The following CSMD1 variants were observed in gnomAD, a reference collection of about 807,000 sequenced individuals.
The protein encoded by CSMD1 is CUB and sushi domain-containing protein 1.
A neutral mutation model predicts 417.5 loss-of-function variants in CSMD1; 213 were observed. The ratio of observed to expected loss-of-function variants is 0.51; its 90% confidence interval spans 0.46 to 0.57. The LOEUF is 0.57. Ranked by LOEUF, CSMD1 falls within the 20% of genes least tolerant of loss-of-function variation. The pLI is 0.00. For missense variants in CSMD1, 6,923 were observed against 4,529.7 expected, an observed-to-expected ratio of 1.53 and a Z score of -15.17; for synonymous variants, 2,862 against 1,736.8, an observed-to-expected ratio of 1.65 and a Z score of -16.11.
At chr8:4,907,019 A>C (rs754662192) in intron 1 of CSMD1, among the ~76,000 whole-genome samples, 5 of 152,230 alleles carry the variant, frequency 3.3e-5, no homozygotes, top group Non-Finnish European at 5.9e-5. Flanking sequence ...ATATGTCTTA[A>C]AGTGCCATCA....
chr8:3,349,886 T>TAAAC (rs1273253750), intron 21 of CSMD1, among the ~76,000 whole-genome samples: 1 of 99,350 alleles, frequency 1.0e-5, no homozygotes, highest in African/African-American at 3.7e-5. Context: ...TATCTATATA[T>TAAAC]ATATTTATAA....
chr8:3,595,603 C>A (rs928836061), intron 8 of CSMD1, among the ~76,000 whole-genome samples: 1 of 152,090 alleles, frequency 6.6e-6, no homozygotes, highest in Non-Finnish European at 1.5e-5. Flanking sequence ...AGGATGGTTC[C>A]AGGGTATAAG....
chr8:3,772,561 A>G (rs1379560272), intron 5 of CSMD1, among the ~76,000 whole-genome samples: 1 of 116,262 alleles, frequency 8.6e-6, no homozygotes, highest in African/African-American at 3.2e-5. Flanking sequence ...ACATATATAC[A>G]TATATATACA....
At chr8:3,826,064 C>A (rs571360946) in intron 5 of CSMD1, among the ~76,000 whole-genome samples, 56 of 152,280 alleles carry the variant, frequency 3.7e-4, no homozygotes, top group Non-Finnish European at 7.4e-4. Flanking sequence ...ACATAGACAT[C>A]TTTTGTAACA....
intron 3 of CSMD1, among the ~76,000 whole-genome samples, chr8:4,041,780 G>C (rs144656160): frequency 2.6e-4 from 39 of 152,008 alleles, no homozygotes; most frequent in Middle Eastern, 6.8e-3. Flanking sequence ...CTTGAGACAT[G>C]GGAAATATTA....
In CSMD1 at chr8:3,659,077, C is replaced by T. The variant is rs74504401; in HGVS notation, c.1010-42280G>A. 4.6e-3 allele frequency among the ~76,000 whole-genome samples: 699 copies of T among 152,110 alleles called. 6 individuals are homozygous for T. Among genetic ancestry groups the T allele is most frequent in the African/African-American group, 0.016 (657 of 41,490 alleles). On this transcript the variant is annotated intron_variant, in intron 7 of 69. Coordinates refer to ENST00000635120, the MANE Select transcript of CSMD1 (RefSeq NM_033225.6). Reference sequence around the variant, plus strand: ...TCTACTTGAAATTAGTTCTAATTTCCGAAATGGTAATCTAATTATTTCAGA... The same window carrying T: ...TCTACTTGAAATTAGTTCTAATTTCTGAAATGGTAATCTAATTATTTCAGA...
chr8:4,031,621 C>G (rs139820675), intron 4 of CSMD1, among the ~76,000 whole-genome samples: 2 of 150,626 alleles, frequency 1.3e-5, no homozygotes, highest in Non-Finnish European at 3.0e-5. Flanking sequence ...TTTATGTGGT[C>G]CAAGCATGAC....
chr8:3,241,865 T>C (rs969715195), intron 26 of CSMD1, among the ~76,000 whole-genome samples: 5 of 152,204 alleles, frequency 3.3e-5, no homozygotes, highest in Middle Eastern at 3.4e-3. Context: ...AAGGCGACGT[T>C]AATTAAGTCC....
chr8:3,622,179 T>G (rs1312879447), intron 7 of CSMD1, among the ~76,000 whole-genome samples: 1 of 152,220 alleles, frequency 6.6e-6, no homozygotes, highest in Non-Finnish European at 1.5e-5. Context: ...CATTTAGCTT[T>G]AATAATTTCA....
At chr8:4,699,726 A>C (rs1310177463) in intron 1 of CSMD1, among the ~76,000 whole-genome samples, 1 of 152,178 alleles carries the variant, frequency 6.6e-6, no homozygotes, top group Non-Finnish European at 1.5e-5. Context: ...TGAGGTGTTA[A>C]TTTCTACTGT....
At chr8:3,867,207 A>T (rs1162146846) in intron 5 of CSMD1, among the ~76,000 whole-genome samples, 1 of 152,202 alleles carries the variant, frequency 6.6e-6, no homozygotes, top group Non-Finnish European at 1.5e-5. Context: ...TAGACAAAAG[A>T]GTGAATTAAT....
At chr8:3,036,670 G>C (rs922699062) in intron 50 of CSMD1, among the ~76,000 whole-genome samples, 19 of 151,986 alleles carry the variant, frequency 1.3e-4, no homozygotes, top group African/African-American at 4.6e-4. Context: ...ACTTTGGTTT[G>C]GGTAAAAAAT....
rs1563303932 is a variant in CSMD1 at position 3,354,889 on chromosome 8, G to GATCTATCTATAGATATCTATATCTATAGA, written c.3304+4262_3304+4263insTCTATAGATATAGATATCTATAGATAGAT. On this transcript the variant is annotated intron_variant, in intron 21 of 69. Coordinates refer to ENST00000635120, the MANE Select transcript of CSMD1 (RefSeq NM_033225.6). ...TAGATATACATATATCTATAGATATGTCTATCTATAGATCTATCTATAGAT... is the reference window on the plus strand; with the variant it reads ...TAGATATACATATATCTATAGATATGATCTATCTATAGATATCTATATCTATAGATCTATCTATAGATCTATCTATAGAT... 1.4e-5 allele frequency among the ~76,000 whole-genome samples: 2 copies of GATCTATCTATAGATATCTATATCTATAGA among 140,928 alleles called. 1 individual carries two copies. The highest frequency in any genetic ancestry group is 5.6e-5 in the African/African-American group (2 of 35,732). 92.5% of individuals were successfully genotyped at this position (140,928 alleles called of 152,430 possible). A position where few individuals can be genotyped will look rare whatever the true frequency, so the allele number is the denominator to read the frequency against.
At chr8:4,648,215 T>G (rs527637505) in intron 1 of CSMD1, among the ~76,000 whole-genome samples, 5 of 152,370 alleles carry the variant, frequency 3.3e-5, no homozygotes, top group African/African-American at 1.2e-4. Context: ...AAATGTCTTC[T>G]TTTGAGAAGT....
intron 6 of CSMD1, among the ~76,000 whole-genome samples, chr8:3,747,864 G>C (rs751388076): frequency 6.6e-6 from 1 of 152,084 alleles, no homozygotes; most frequent in Non-Finnish European, 1.5e-5. Context: ...GCTTTGGGCT[G>C]GGGAGGCATT....
intron 3 of CSMD1, among the ~76,000 whole-genome samples, chr8:4,079,931 T>A (rs185603130): frequency 1.3e-5 from 2 of 151,768 alleles, no homozygotes. Context: ...TTTCTCAGTG[T>A]CTTCTCATGG....
intron 1 of CSMD1, among the ~76,000 whole-genome samples, chr8:4,643,980 G>T (rs373100149): frequency 6.6e-6 from 1 of 152,146 alleles, no homozygotes; most frequent in Non-Finnish European, 1.5e-5. Context: ...AGGGTACTTG[G>T]TTGGGTTTTA....
intron 3 of CSMD1, among the ~76,000 whole-genome samples, chr8:4,057,837 T>A (rs1008331511): frequency 6.6e-6 from 1 of 152,204 alleles, no homozygotes; most frequent in Non-Finnish European, 1.5e-5. Flanking sequence ...AAAGATCAGA[T>A]AGTTGTAGAT....
At position 3,790,146 on chromosome 8, in the gene CSMD1, C is replaced by G. The variant is rs572128306; in HGVS notation, c.819-36104G>C. On this transcript the variant is annotated intron_variant, in intron 5 of 69. Transcript: ENST00000635120. Reference sequence around the variant, plus strand: ...TATTTTCGAATTTAAATTGCCTTGGCTCACATGCCGTTTTATAATTTCAAA... The same window carrying G: ...TATTTTCGAATTTAAATTGCCTTGGGTCACATGCCGTTTTATAATTTCAAA... Among the ~76,000 whole-genome samples, 4 of 152,332 alleles carry G rather than the reference C, an allele frequency of 2.6e-5. No homozygotes were observed. The East Asian group carries it at 7.7e-4, about 29-fold the overall frequency.
Sources: gnomAD v4.1 joint callset for allele counts (sites outside exome capture counted in the v4.1 genomes callset) on GRCh38, gnomAD v4.1.1 for gene constraint, MANE v1.5 for transcripts, NCBI Gene and HGNC (gene_info 2026-07-23, HGNC 2026-07-21) for gene names.